Variants in ASTN1 observed in about 807,000 individuals in gnomAD.
ASTN1 encodes astrotactin-1.
Under a neutral mutation model 140.7 loss-of-function variants are expected in ASTN1, and 41 were observed. The observed-to-expected ratio is 0.29, with a 90% CI of 0.23 to 0.38. The LOEUF (loss-of-function observed/expected upper bound fraction) is 0.38. ASTN1 is among the 10% of genes least tolerant of loss of function. ASTN1 has a pLI of 1.00. For synonymous variants in ASTN1, 640 were observed against 652.2 expected, an observed-to-expected ratio of 0.98 and a Z score of 0.29; for missense variants, 1,479 against 1,678.8, an observed-to-expected ratio of 0.88 and a Z score of 2.08.
At chr1:176,928,113 ATAAT>A (rs1215901979) in intron 16 of ASTN1, among the ~76,000 whole-genome samples, 2 of 150,866 alleles carry the variant, frequency 1.3e-5, no homozygotes, top group Non-Finnish European at 3.0e-5. Flanking sequence ...AAAGGATAAA[ATAAT>A]TAAATATATA....
intron 8 of ASTN1, among the ~76,000 whole-genome samples, chr1:176,974,579 G>A (rs535128879): frequency 6.6e-5 from 10 of 151,964 alleles, no homozygotes; most frequent in Middle Eastern, 3.4e-3. Flanking sequence ...TAGAGACAGG[G>A]TTTCACCATA....
intron 1 of ASTN1, among the ~76,000 whole-genome samples, chr1:177,116,292 T>C (rs1027022721): frequency 2.6e-5 from 4 of 152,206 alleles, no homozygotes; most frequent in African/African-American, 9.6e-5. Context: ...CTGAATATTA[T>C]CTTTATGGGC....
At chr1:176,892,929 T>C (rs541764886) in intron 17 of ASTN1, among the ~76,000 whole-genome samples, 1 of 152,296 alleles carries the variant, frequency 6.6e-6, no homozygotes, top group South Asian at 2.1e-4. Context: ...CACTTGTCTT[T>C]GTGTTTAGAA....
chr1:176,890,896 G>A (rs530956104), intron 17 of ASTN1, among the ~76,000 whole-genome samples: 9 of 152,126 alleles, frequency 5.9e-5, no homozygotes, highest in Admixed American at 1.3e-4. Flanking sequence ...CCATGGTGGC[G>A]GGCGCCTGTA....
chr1:176,920,038 A>C (rs1258095811), intron 16 of ASTN1, among the ~76,000 whole-genome samples: 3 of 152,226 alleles, frequency 2.0e-5, no homozygotes, highest in Admixed American at 1.3e-4. Context: ...TCTTTTTAAT[A>C]GGCAAAAGCA....
At chr1:176,978,718 G>T (rs1216860252) in intron 8 of ASTN1, among the ~76,000 whole-genome samples, 1 of 152,120 alleles carries the variant, frequency 6.6e-6, no homozygotes, top group Non-Finnish European at 1.5e-5. Context: ...AAGGTGTGCG[G>T]CAGGTAGCTA....
chr1:176,883,732 T>A (rs1229514027), intron 19 of ASTN1, among the ~76,000 whole-genome samples: 3 of 152,202 alleles, frequency 2.0e-5, no homozygotes, highest in Admixed American at 1.3e-4. Flanking sequence ...GGTGACCACA[T>A]CCCATGCATA....
chr1:176,983,389 C>G (rs1673723489), intron 8 of ASTN1, among the ~76,000 whole-genome samples: 1 of 152,140 alleles, frequency 6.6e-6, no homozygotes, highest in African/African-American at 2.4e-5. Context: ...TTGTTATTTT[C>G]CACGTAAAAG....
chr1:176,877,084 T>A (rs184498131), intron 20 of ASTN1, among the ~76,000 whole-genome samples: 11 of 152,216 alleles, frequency 7.2e-5, no homozygotes, highest in Admixed American at 7.2e-4. Flanking sequence ...AGGGGAAGAG[T>A]TTATATCTTT....
rs540775510 is a variant in ASTN1, at chr1:176,978,987, G to C, written c.1524-13750C>G. Among the ~76,000 whole-genome samples the C allele has an allele frequency of 5.9e-5, 9 of 152,244 alleles. No individual in the cohort carries two copies. In the East Asian group the frequency reaches 1.5e-3, roughly 26 times the overall value. ...CTGGCATGGCCAAGCTCTGTACTCT[G>C]GGGATACAGAGGTGAACAGAAGCAA... On this transcript the variant is annotated intron_variant, in intron 8 of 22. Transcript: ENST00000361833.
intron 16 of ASTN1, among the ~76,000 whole-genome samples, chr1:176,908,131 C>A (rs962204207): frequency 1.1e-4 from 8 of 72,364 alleles, no homozygotes; most frequent in Non-Finnish European, 2.2e-4. Flanking sequence ...CTCTCTTATG[C>A]AACACACACA....
At chr1:176,911,669 G>A (rs1670246700) in intron 16 of ASTN1, among the ~76,000 whole-genome samples, 1 of 152,112 alleles carries the variant, frequency 6.6e-6, no homozygotes, top group African/African-American at 2.4e-5. Flanking sequence ...GCTTGGAGCT[G>A]TCATCTCCTG....
At chr1:177,087,823 G>C (rs151057752) in intron 1 of ASTN1, among the ~76,000 whole-genome samples, 1 of 152,288 alleles carries the variant, frequency 6.6e-6, no homozygotes, top group East Asian at 1.9e-4. Flanking sequence ...TTGAAAAAGC[G>C]TCCCCGCTGC....
rs577084097 is a variant in ASTN1 at position 177,099,289 on chromosome 1, C to T, written c.284-38024G>A. 1.1e-4 allele frequency among the ~76,000 whole-genome samples: 16 copies of T among 152,142 alleles called. No individual in the cohort carries two copies. In the East Asian group the frequency reaches 2.3e-3, roughly 22 times the overall value. On this transcript the variant is annotated intron_variant, in intron 1 of 22. Coordinates refer to ENST00000361833, the MANE Select transcript of ASTN1 (RefSeq NM_004319.3). ...TCCAGAGAAAACAGGCTGGCAAAAA[C>T]AAATACATCAATACATAATCTTTTT...
intron 16 of ASTN1, among the ~76,000 whole-genome samples, chr1:176,904,313 CGTCCTGCT>C (rs71573004): frequency 0.28 from 42,470 of 151,736 alleles, 6,400 homozygotes; most frequent in African/African-American, 0.38. Flanking sequence ...GCTCCATCGG[CGTCCTGCT>C]GTCCTGCTGC....
At chr1:177,061,614 G>T (rs1678096682) in intron 1 of ASTN1, among the ~76,000 whole-genome samples, 1 of 152,146 alleles carries the variant, frequency 6.6e-6, no homozygotes, top group Non-Finnish European at 1.5e-5. Context: ...TAAATACAAG[G>T]TTGTTTGCCT....
At chr1:176,948,607 G>C (rs951786629) in intron 12 of ASTN1, among the ~76,000 whole-genome samples, 1 of 152,104 alleles carries the variant, frequency 6.6e-6, no homozygotes. Context: ...CCCTCACAGA[G>C]TGATCCTGAG....
At position 176,894,420 on chromosome 1, in the gene ASTN1, T is replaced by C. The variant is rs900816873; in HGVS notation, c.2940+142A>G. On this transcript the variant is annotated intron_variant, in intron 17 of 22. Coordinates refer to ENST00000361833, the MANE Select transcript of ASTN1 (RefSeq NM_004319.3). ...AGCATGCAAATTTAAACAAATTAGG[T>C]GCCCAGATTAGCTAAACAAAAAGCC... The C allele has an allele frequency of 2.4e-5, 26 of 1,097,174 alleles. No individual in the cohort carries two copies. In the East Asian group the frequency reaches 6.0e-4, roughly 25 times the overall value. 68.0% of individuals were successfully genotyped at this position (1,097,174 alleles called of 1,614,324 possible).
At chr1:177,000,514 T>C (rs1303223702) in intron 8 of ASTN1, among the ~76,000 whole-genome samples, 1 of 152,190 alleles carries the variant, frequency 6.6e-6, no homozygotes, top group Non-Finnish European at 1.5e-5. Context: ...TACACAATTA[T>C]CTGAGACATT....
Sources: gnomAD v4.1 joint callset for allele counts (sites outside exome capture counted in the v4.1 genomes callset) on GRCh38, gnomAD v4.1.1 for gene constraint, MANE v1.5 for transcripts, NCBI Gene and HGNC (gene_info 2026-07-23, HGNC 2026-07-21) for gene names.